Variants in STS observed in about 807,000 individuals in gnomAD.
STS encodes steryl-sulfatase.
In STS, 7 loss-of-function variants were observed where a neutral mutation model predicts 26.8. The ratio of observed to expected loss-of-function variants is 0.26; its 90% CI spans 0.15 to 0.49. The LOEUF is 0.49. Ranked by LOEUF, STS falls within the 20% of genes least tolerant of loss-of-function variation. The pLI, the probability that STS is intolerant of heterozygous loss-of-function variation, is 0.98. For missense variants in STS, 434 were observed against 465.6 expected (o/e 0.93, Z 0.63); for synonymous variants, 199 against 189.4 (o/e 1.05, Z -0.42).
intron 1 of STS, among the ~76,000 whole-genome samples, chrX:7,167,953 CA>C (rs1367440737): frequency 3.6e-5 from 4 of 111,027 alleles, no homozygotes; most frequent in Non-Finnish European, 7.5e-5. Context: ...CTCAGCCTCC[CA>C]AAATGCTGGG....
intron 8 of STS, among the ~76,000 whole-genome samples, chrX:7,307,880 A>G (rs1926292218): frequency 8.9e-6 from 1 of 112,249 alleles, no homozygotes; most frequent in African/African-American, 3.2e-5. Context: ...AAAAACAACT[A>G]TGGGACATAT....
intron 1 of STS, among the ~76,000 whole-genome samples, chrX:7,150,709 C>G (rs774574239): frequency 9.1e-6 from 1 of 109,311 alleles, no homozygotes; most frequent in Non-Finnish European, 1.9e-5. Flanking sequence ...AACATCACTT[C>G]TATGCATAAG....
chrX:7,337,533 G>A (rs761700559), intron 10 of STS, among the ~76,000 whole-genome samples: 57 of 112,180 alleles, frequency 5.1e-4, no homozygotes, highest in Non-Finnish European at 8.3e-4. Flanking sequence ...CTAGACTGTG[G>A]AACATATTCC....
chrX:7,321,869 GTGTTTAT>G (rs1235228509), intron 8 of STS, among the ~76,000 whole-genome samples: 1 of 111,963 alleles, frequency 8.9e-6, no homozygotes, highest in Non-Finnish European at 1.9e-5. Flanking sequence ...TGAGGAAGCA[GTGTTTAT>G]TCCCCCAGCG....
At chrX:7,323,280 G>C (rs1927143852) in intron 8 of STS, among the ~76,000 whole-genome samples, 1 of 109,868 alleles carries the variant, frequency 9.1e-6, no homozygotes, top group Non-Finnish European at 1.9e-5. Flanking sequence ...GTGTTACATG[G>C]GTATATTGCA....
chrX:7,198,429 A>G (rs996001716), intron 2 of STS, among the ~76,000 whole-genome samples: 4 of 111,383 alleles, frequency 3.6e-5, no homozygotes, highest in African/African-American at 1.3e-4. Context: ...AGGCATTCCA[A>G]TAGTGACGGT....
At chrX:7,249,037 G>A (rs746677473) in intron 2 of STS, among the ~76,000 whole-genome samples, 6 of 110,667 alleles carry the variant, frequency 5.4e-5, no homozygotes, top group Admixed American at 9.7e-5. Context: ...GTATGTCTTC[G>A]GGACCTAAGG....
At chrX:7,341,787 C>G (rs1467047175) in intron 10 of STS, among the ~76,000 whole-genome samples, 1 of 110,260 alleles carries the variant, frequency 9.1e-6, no homozygotes, top group African/African-American at 3.3e-5. Flanking sequence ...TAATAACCAT[C>G]ATCTCTTTTT....
chrX:7,279,836 C>T, intron 7 of STS, among the ~76,000 whole-genome samples: 1 of 110,966 alleles, frequency 9.0e-6, no homozygotes, highest in Non-Finnish European at 1.9e-5. Flanking sequence ...ATATCAGTTT[C>T]TGAGTCCCAG....
intron 10 of STS, among the ~76,000 whole-genome samples, chrX:7,341,746 G>A (rs1362786290): frequency 3.6e-5 from 4 of 110,506 alleles, no homozygotes; most frequent in African/African-American, 1.3e-4. Flanking sequence ...ATGACAGCTG[G>A]TTCCTCCCCT....
intron 2 of STS, among the ~76,000 whole-genome samples, chrX:7,192,740 G>T (rs147082601): frequency 8.9e-6 from 1 of 111,768 alleles, no homozygotes; most frequent in Non-Finnish European, 1.9e-5. Context: ...CAGCTTCGGG[G>T]GTTACGGATG....
At chrX:7,331,887 T>TAAAAA (rs11396837) in intron 9 of STS, among the ~76,000 whole-genome samples, 6 of 74,295 alleles carry the variant, frequency 8.1e-5, no homozygotes, top group Admixed American at 6.6e-4. Context: ...TGTGGGATAT[T>TAAAAA]AAAAAAAAAA....
intron 2 of STS, among the ~76,000 whole-genome samples, chrX:7,217,610 C>G (rs1313195567): frequency 9.0e-6 from 1 of 111,400 alleles, no homozygotes; most frequent in Non-Finnish European, 1.9e-5. Context: ...TCTCATCCAA[C>G]CTCTTACTGC....
intron 8 of STS, among the ~76,000 whole-genome samples, chrX:7,313,701 A>G (rs1035282074): frequency 1.8e-5 from 2 of 112,150 alleles, no homozygotes; most frequent in East Asian, 5.6e-4. Flanking sequence ...CATGCCAGGC[A>G]CAGGGCTAGC....
chrX:7,342,992 T>C (rs1396060511), intron 10 of STS, among the ~76,000 whole-genome samples: 2 of 111,014 alleles, frequency 1.8e-5, no homozygotes, highest in Non-Finnish European at 3.8e-5. Flanking sequence ...ACATTAACTT[T>C]TCTGTAAACT....
chrX:7,297,257 C>CT (rs759598036), intron 7 of STS, among the ~76,000 whole-genome samples: 152 of 92,206 alleles, frequency 1.6e-3, no homozygotes, highest in Admixed American at 1.9e-3. Flanking sequence ...TATGTAAGAG[C>CT]TTTTTTTTTT....
chrX:7,170,907 G>C (rs1318129992), intron 1 of STS, among the ~76,000 whole-genome samples: 1 of 111,944 alleles, frequency 8.9e-6, no homozygotes, highest in Non-Finnish European at 1.9e-5. Flanking sequence ...AATCAAACAC[G>C]TAATTAGATG....
chrX:7,289,780 G>A (rs1247804802), intron 7 of STS, among the ~76,000 whole-genome samples: 1 of 111,564 alleles, frequency 9.0e-6, no homozygotes, highest in African/African-American at 3.3e-5. Context: ...AAGTAGCAGG[G>A]ACTATAAGCA....
At chrX:7,257,397 C>T in intron 4 of STS, 34 bp downstream of exon 4, 2 of 1,212,077 alleles carry the variant, frequency 1.7e-6, no homozygotes, top group Non-Finnish European at 2.2e-6. Flanking sequence ...GGGCTGTGGT[C>T]ACCTTCGGGA....
Sources: gnomAD v4.1 joint callset for allele counts (sites outside exome capture counted in the v4.1 genomes callset) on GRCh38, gnomAD v4.1.1 for gene constraint, MANE v1.5 for transcripts, NCBI Gene and HGNC (gene_info 2026-07-23, HGNC 2026-07-21) for gene names.